FANCI: variants seen among roughly 807,000 people sequenced by gnomAD.
FANCI encodes the protein FA complementation group I.
FANCI carries 156 observed loss-of-function variants against 176.1 expected under a neutral mutation model. The observed-to-expected ratio is 0.89, with a 90% CI of 0.78 to 1.01. The LOEUF is 1.01. Ranked by LOEUF, FANCI falls within the 50% of genes least tolerant of loss-of-function variation. The probability of loss-of-function intolerance (pLI) is 0.00; values close to 1 mark genes in which losing one functional copy is unlikely to be tolerated. For missense variants in FANCI, 1,678 were observed against 1,534.1 expected, an observed-to-expected ratio of 1.09 and a Z score of -1.57; for synonymous variants, 613 against 541.7, an observed-to-expected ratio of 1.13 and a Z score of -1.83.
intron 2 of FANCI, 88 bp downstream of exon 2, chr15:89,247,819 GCTT>G: frequency 9.6e-7 from 1 of 1,042,900 alleles, no homozygotes; most frequent in Non-Finnish European, 1.5e-6. Context: ...AAATTACGCT[GCTT>G]CTTCATCTAC....
intron 16 of FANCI, chr15:89,282,504 T>C (rs59426744): frequency 0.034 from 5,601 of 162,870 alleles, 273 homozygotes; most frequent in African/African-American, 0.12. Flanking sequence ...ACTTTGAGGA[T>C]AAGATGCCCA....
intron 25 of FANCI, 96 bp downstream of exon 25, chr15:89,300,062 A>G: frequency 7.2e-7 from 1 of 1,398,494 alleles, no homozygotes; most frequent in East Asian, 2.3e-5. Flanking sequence ...GACACTTGAG[A>G]ACAGTCCTAA....
At chr15:89,278,878 A>T (rs1010107857) in intron 14 of FANCI, 104 bp downstream of exon 14, 3 of 810,564 alleles carry the variant, frequency 3.7e-6, no homozygotes, top group African/African-American at 3.4e-5. Flanking sequence ...ATTTAAATGC[A>T]GTATCTTTGA....
rs1233880596 is a variant in FANCI, at chr15:89,276,868, A to G, written c.1270A>G (p.Asn424Asp). The stretch of plus-strand genomic sequence containing the variant: ...CCAGCATGCATGTAAGCTCGGAGCT[A>G]ATATCCTGTTGGAAACTTTTAAGGT... ...PNQHACKLGANILLETFKIHE... is the reference protein window; with the variant it reads ...PNQHACKLGADILLETFKIHE... The change falls in exon 13 of 38, where the codon AAT (asparagine) becomes GAT (aspartate). Residue 424 changes from asparagine (N) to aspartate (D), a missense_variant. Physicochemically the swap from Asn to Asp is conservative, Grantham distance 23 (BLOSUM62 1). Transcript: ENST00000310775. The G allele has an allele frequency of 6.2e-7, 1 of 1,614,086 alleles. No homozygotes were observed. The highest frequency in any genetic ancestry group is 1.3e-5 in the African/African-American group (1 of 74,946).
Position 89,283,103 on chromosome 15 carries a change from T to A in FANCI, c.1584-33T>A, listed in dbSNP as rs771296027. On this transcript the variant is annotated intron_variant, in intron 16 of 37. Transcript: ENST00000310775. Reference sequence around the variant, plus strand: ...CCAGAAGCATATTCCTGTGAAATAGTACTGTTTGTTAACTTCTCTATTTCT... The same window carrying A: ...CCAGAAGCATATTCCTGTGAAATAGAACTGTTTGTTAACTTCTCTATTTCT... The A allele has an allele frequency of 6.2e-6, 10 of 1,610,374 alleles. No individual in the cohort carries two copies. The African/African-American group carries it at 9.4e-5, about 15-fold the overall frequency.
At chr15:89,308,812 G>C (rs1222925037) in intron 34 of FANCI, among the ~76,000 whole-genome samples, 1 of 152,150 alleles carries the variant, frequency 6.6e-6, no homozygotes, top group Admixed American at 6.5e-5. Context: ...TGAGCATGCT[G>C]GCGGGCACCT....
At chr15:89,288,993 T>A (rs35617922) in intron 18 of FANCI, among the ~76,000 whole-genome samples, 45,696 of 151,330 alleles carry the variant, frequency 0.3, 8,348 homozygotes, top group South Asian at 0.4. Context: ...CAATGAATAT[T>A]CACTAACATT....
intron 10 of FANCI, among the ~76,000 whole-genome samples, chr15:89,269,476 T>A (rs899936378): frequency 6.6e-6 from 1 of 152,226 alleles, no homozygotes; most frequent in African/African-American, 2.4e-5. Flanking sequence ...CTTTCTAGTT[T>A]TAGACTGATT....
At chr15:89,302,512 A>T (rs947505056) in intron 27 of FANCI, among the ~76,000 whole-genome samples, 1 of 152,188 alleles carries the variant, frequency 6.6e-6, no homozygotes, top group African/African-American at 2.4e-5. Flanking sequence ...TTAAACTTTT[A>T]GATTTTTAAA....
In FANCI at chr15:89,305,628, G is replaced by A. The variant is rs140132879; in HGVS notation, c.3279G>A (p.Glu1093=). The change falls in exon 31 of 38, where the codon GAG becomes GAA. Residue 1093 remains glutamate (E), a synonymous_variant. Transcript: ENST00000310775. ...TVCLLVLSQA[E]KVLEEVDWLI... The stretch of plus-strand genomic sequence containing the variant: ...AGTTACTTGTTCTGAGTCAGGCCGA[G>A]AAGGTTCTAGAAGAAGTGGACTGGC... 1.9e-6 allele frequency: 3 copies of A among 1,614,104 alleles called. No individual in the cohort carries two copies. The highest frequency in any genetic ancestry group is 2.2e-5 in the East Asian group (1 of 44,896).
At chr15:89,287,604 T>G (rs1310581523) in intron 18 of FANCI, among the ~76,000 whole-genome samples, 1 of 152,240 alleles carries the variant, frequency 6.6e-6, no homozygotes, top group Non-Finnish European at 1.5e-5. Context: ...GAAGCCTAGC[T>G]TTTGACTTGC....
intron 12 of FANCI, among the ~76,000 whole-genome samples, chr15:89,274,970 C>G (rs1208881623): frequency 6.6e-6 from 1 of 151,896 alleles, no homozygotes; most frequent in Admixed American, 6.6e-5. Context: ...AATGGCTATT[C>G]ACAGGCTCTA....
At chr15:89,291,836 T>A in intron 20 of FANCI, 122 bp downstream of exon 20, 1 of 799,884 alleles carries the variant, frequency 1.3e-6, no homozygotes, top group Non-Finnish European at 2.1e-6. Flanking sequence ...TGTTTACTTT[T>A]AAGTCTTCCC....
chr15:89,285,193 C>T lies in FANCI; in HGVS notation c.1796C>T (p.Ala599Val). Residue 599 changes from alanine to valine, a missense_variant, in exon 18 of 38, where the codon GCT (alanine) becomes GTT (valine). Around this residue, in one of 3 missense-constraint regions of FANCI, gnomAD observed 1,204 missense variants for 1,077.4 expected, o/e 1.12. Coordinates refer to ENST00000310775, the MANE Select transcript of FANCI (RefSeq NM_001113378.2). ...TTGAGGAGATGCTTAAGCCAGCAAGCTGATGTTCGACTCATGCTTTATGAG... is the reference window on the plus strand; with the variant it reads ...TTGAGGAGATGCTTAAGCCAGCAAGTTGATGTTCGACTCATGCTTTATGAG... ...DSLRRCLSQQ[A>V]DVRLMLYEGF... 4 of 1,614,158 alleles carry T rather than the reference C, an allele frequency of 2.5e-6. No homozygotes were observed. Among genetic ancestry groups the T allele is most frequent in the Non-Finnish European group, 3.4e-6 (4 of 1,180,030 alleles).
In FANCI at chr15:89,305,352, G is replaced by A; in HGVS notation, c.3198G>A (p.Val1066=). ...CTTCTTTTCCCCAGGATGTAGAGGTGGAGAAAACAAACCACTTTGCAATAG... is the reference window on the plus strand; with the variant it reads ...CTTCTTTTCCCCAGGATGTAGAGGTAGAGAAAACAAACCACTTTGCAATAG... ...HLGDIDQDVE[V]EKTNHFAIVN... Residue 1066 remains valine (V), a synonymous_variant, in exon 30 of 38, where the codon GTG becomes GTA. Coordinates refer to ENST00000310775, the MANE Select transcript of FANCI (RefSeq NM_001113378.2). 1 of 1,614,164 alleles carries A rather than the reference G, an allele frequency of 6.2e-7. No individual in the cohort carries two copies. Among genetic ancestry groups the A allele is most frequent in the Admixed American group, 1.7e-5 (1 of 60,022 alleles).
intron 14 of FANCI, 142 bp downstream of exon 14, chr15:89,278,916 A>C: frequency 1.5e-6 from 1 of 681,662 alleles, no homozygotes; most frequent in Admixed American, 2.2e-5. Flanking sequence ...AAATCCATTT[A>C]TGTTGTCTGG....
At chr15:89,260,982 C>G in intron 4 of FANCI, 139 bp downstream of exon 4, 3 of 1,114,128 alleles carry the variant, frequency 2.7e-6, no homozygotes, top group Non-Finnish European at 4.0e-6. Flanking sequence ...AACAAAGAAG[C>G]AGGCCGGGCA....
chr15:89,301,197 T>C (rs1020608379), intron 26 of FANCI, 129 bp from the exon 27 acceptor site: 5 of 763,904 alleles, frequency 6.5e-6, no homozygotes, highest in African/African-American at 1.7e-5. Flanking sequence ...TCAGATTTTA[T>C]CCTCTTAGAA....
intron 8 of FANCI, 129 bp downstream of exon 8, chr15:89,264,155 A>G: frequency 9.5e-7 from 1 of 1,050,574 alleles, no homozygotes; most frequent in South Asian, 1.3e-5. Flanking sequence ...ATTTCACGTG[A>G]GCAAACATAG....
Sources: gnomAD v4.1 joint callset for allele counts (sites outside exome capture counted in the v4.1 genomes callset) on GRCh38, gnomAD v4.1.1 for gene constraint, gnomAD v4.1.1 regional missense constraint, MANE v1.5 for transcripts, NCBI Gene and HGNC (gene_info 2026-07-23, HGNC 2026-07-21) for gene names.